TSPEAR: variants seen among roughly 807,000 people sequenced by gnomAD.
The protein encoded by TSPEAR is thrombospondin-type laminin G domain and EAR repeat-containing protein.
Under a neutral mutation model 71.6 loss-of-function variants are expected in TSPEAR, and 69 were observed. The ratio of observed to expected loss-of-function variants is 0.96; its 90% CI spans 0.79 to 1.18. The LOEUF is 1.18. TSPEAR is among the 50% of genes most tolerant of loss of function. TSPEAR has a pLI of 0.00. For missense variants in TSPEAR, 971 were observed against 894.9 expected (o/e 1.09, Z -1.09); for synonymous variants, 402 against 387.2 (o/e 1.04, Z -0.45).
chr21:44,697,938 G>A, intron 1 of TSPEAR: 1 of 1,610,306 alleles, frequency 6.2e-7, no homozygotes, highest in East Asian at 2.2e-5. Flanking sequence ...CTGGCCTGCT[G>A]AGGCCTCTGC....
At chr21:44,516,103 T>G (rs972049019) in intron 9 of TSPEAR, 16 of 152,250 alleles carry the variant, frequency 1.1e-4, no homozygotes, top group African/African-American at 2.4e-4. Context: ...GAGATGGGTC[T>G]GAGGTGGAAT....
chr21:44,654,495 G>C (rs1985010171), intron 1 of TSPEAR: 2 of 1,613,712 alleles, frequency 1.2e-6, no homozygotes, highest in Admixed American at 3.3e-5. Flanking sequence ...GAGCCACACA[G>C]GGGGCTGAGC....
At chr21:44,550,734 G>A (rs782194030) in intron 2 of TSPEAR, 12 of 1,614,098 alleles carry the variant, frequency 7.4e-6, no homozygotes, top group Non-Finnish European at 1.0e-5. Flanking sequence ...GCAGGAGGCT[G>A]GGCGGGAGCA....
chr21:44,656,607 T>G (rs1334183205), intron 1 of TSPEAR, among the ~76,000 whole-genome samples: 1 of 152,190 alleles, frequency 6.6e-6, no homozygotes, highest in Non-Finnish European at 1.5e-5. Flanking sequence ...TTCAATAATT[T>G]TTTGATTTTC....
chr21:44,700,423 G>C (rs11088959), intron 1 of TSPEAR, among the ~76,000 whole-genome samples: 110,728 of 151,742 alleles, frequency 0.73, 40,776 homozygotes, highest in Middle Eastern at 0.85. Flanking sequence ...GATGAAGGAC[G>C]GGAGAGAGGA....
chr21:44,657,990 C>T (rs896091732), intron 1 of TSPEAR: 7 of 1,613,310 alleles, frequency 4.3e-6, no homozygotes, highest in Non-Finnish European at 5.9e-6. Flanking sequence ...ATGTGCCACA[C>T]CAGCTGCTCC....
intron 3 of TSPEAR, among the ~76,000 whole-genome samples, chr21:44,531,412 C>T (rs922230619): frequency 4.6e-5 from 7 of 152,180 alleles, no homozygotes; most frequent in South Asian, 2.1e-4. Flanking sequence ...GTGGCCATGT[C>T]GCTCCAGTGT....
rs1269399422 is a variant in TSPEAR at position 44,530,013 on chromosome 21, A to C, written c.634-59T>G. 4.1e-6 allele frequency: 6 copies of C among 1,469,858 alleles called. No homozygotes were observed. In the African/African-American group the frequency reaches 7.0e-5, roughly 17 times the overall value. The allele number at this position is 1,469,858 out of a possible 1,614,324, so 91.1% of individuals were successfully genotyped here. On this transcript the variant is annotated intron_variant, in intron 4 of 11. Transcript: ENST00000323084. ...GCTGCTGGGGAAGGACCCGCTGAGGAGGCGACCACTGAGCTTGGCCCATCC... is the reference window on the plus strand; with the variant it reads ...GCTGCTGGGGAAGGACCCGCTGAGGCGGCGACCACTGAGCTTGGCCCATCC...
chr21:44,529,658 G>T, intron 5 of TSPEAR, 140 bp downstream of exon 5: 1 of 951,426 alleles, frequency 1.1e-6, no homozygotes, highest in Non-Finnish European at 1.6e-6. Context: ...TGGCCAATAT[G>T]ACCGCTGCCC....
chr21:44,541,012 G>C (rs2053213977), intron 2 of TSPEAR, among the ~76,000 whole-genome samples: 1 of 148,476 alleles, frequency 6.7e-6, no homozygotes, highest in Non-Finnish European at 1.5e-5. Flanking sequence ...GGCGTCTCAA[G>C]TGATCCCTCC....
intron 1 of TSPEAR, chr21:44,675,973 C>G: frequency 3.7e-6 from 3 of 821,288 alleles, no homozygotes; most frequent in Non-Finnish European, 6.6e-6. Context: ...CTTCCTTCAG[C>G]CAGTCTTGTG....
intron 3 of TSPEAR, among the ~76,000 whole-genome samples, chr21:44,532,479 T>G (rs587717025): frequency 1.3e-5 from 2 of 152,288 alleles, no homozygotes; most frequent in South Asian, 4.1e-4. Flanking sequence ...TGAGAACTCA[T>G]CACCGTCCTG....
At chr21:44,701,158 A>G (rs2146328830) in intron 1 of TSPEAR, among the ~76,000 whole-genome samples, 1 of 152,300 alleles carries the variant, frequency 6.6e-6, no homozygotes, top group Non-Finnish European at 1.5e-5. Flanking sequence ...GTACATATCC[A>G]TGGAGTTCCC....
intron 1 of TSPEAR, chr21:44,580,125 A>T (rs781905135): frequency 6.2e-7 from 1 of 1,613,646 alleles, no homozygotes; most frequent in Non-Finnish European, 8.5e-7. Context: ...TGCTGGCAGC[A>T]TGAAGAGGAA....
intron 1 of TSPEAR, among the ~76,000 whole-genome samples, chr21:44,622,458 G>A (rs8126931): frequency 0.085 from 12,938 of 152,086 alleles, 1,068 homozygotes; most frequent in East Asian, 0.25. Flanking sequence ...TTATTATCTC[G>A]CAGTTCTTAG....
At chr21:44,518,073 CTTT>C (rs1377342364) in intron 9 of TSPEAR, among the ~76,000 whole-genome samples, 13 of 152,214 alleles carry the variant, frequency 8.5e-5, no homozygotes, top group African/African-American at 3.1e-4. Context: ...TGAATGTCTT[CTTT>C]TAATGCCAGC....
At chr21:44,580,646 A>T in intron 1 of TSPEAR, 1 of 1,481,694 alleles carries the variant, frequency 6.7e-7, no homozygotes, top group Non-Finnish European at 9.1e-7. Context: ...TGAGTGAGTG[A>T]AGGAGGGAGT....
intron 1 of TSPEAR, among the ~76,000 whole-genome samples, chr21:44,650,329 T>C (rs1281336757): frequency 6.6e-6 from 1 of 151,298 alleles, no homozygotes; most frequent in Non-Finnish European, 1.5e-5. Context: ...GTGAAGTCAT[T>C]AGTGGGGGAC....
intron 1 of TSPEAR, among the ~76,000 whole-genome samples, chr21:44,643,839 C>T (rs943674594): frequency 6.6e-5 from 10 of 152,338 alleles, no homozygotes; most frequent in South Asian, 2.1e-4. Context: ...CAGCAAACAT[C>T]GGCTTAGTGC....
Sources: allele counts gnomAD v4.1 joint callset (sites outside exome capture counted in the v4.1 genomes callset), GRCh38; gene constraint gnomAD v4.1.1; transcripts MANE v1.5; gene names NCBI Gene and HGNC (gene_info 2026-07-23, HGNC 2026-07-21).